Variants in ATRNL1 observed in about 807,000 individuals in gnomAD.
The protein encoded by ATRNL1 is attractin-like protein 1.
Under a neutral mutation model 182.7 loss-of-function variants are expected in ATRNL1, and 95 were observed. The observed-to-expected ratio is 0.52, with a 90% confidence interval of 0.44 to 0.62. The LOEUF (loss-of-function observed/expected upper bound fraction) is 0.62. Ranked by LOEUF, ATRNL1 falls within the 20% of genes least tolerant of loss-of-function variation. The pLI is 0.00. For synonymous variants in ATRNL1, 576 were observed against 568.3 expected (o/e 1.01, Z -0.19); for missense variants, 1,471 against 1,679.5 (o/e 0.88, Z 2.17).
intron 19 of ATRNL1, among the ~76,000 whole-genome samples, chr10:115,383,638 G>T (rs1168212110): frequency 6.6e-6 from 1 of 151,846 alleles, no homozygotes; most frequent in Non-Finnish European, 1.5e-5. Flanking sequence ...GCAAAATTCA[G>T]CATCGAATAT....
rs1261278987 is a variant in ATRNL1, at chr10:115,946,517, CATG to C, written c.*1741_*1743del. ...TTATAGTATATATTCCTCATGTTGG[CATG>C]ATAATTTTGCTATTTTCCATGCATT... On this transcript the variant is annotated 3_prime_UTR_variant, in exon 29 of 29. Coordinates refer to ENST00000355044, the MANE Select transcript of ATRNL1 (RefSeq NM_207303.4). 1.3e-5 allele frequency: 2 copies of C among 152,060 alleles called. No individual in the cohort carries two copies. The highest frequency in any genetic ancestry group is 4.8e-5 in the African/African-American group (2 of 41,400). The allele number at this position is 152,060 out of a possible 1,614,324, so 9.4% of individuals were successfully genotyped here. A position where few individuals can be genotyped will look rare whatever the true frequency, so the allele number is the denominator to read the frequency against.
At chr10:115,802,155 G>A (rs1423175344) in intron 27 of ATRNL1, among the ~76,000 whole-genome samples, 2 of 151,798 alleles carry the variant, frequency 1.3e-5, no homozygotes, top group Non-Finnish European at 2.9e-5. Context: ...AGACTACTAA[G>A]GCCATGTCAA....
chr10:115,872,979 G>T (rs1223201457), intron 28 of ATRNL1, among the ~76,000 whole-genome samples: 1 of 152,220 alleles, frequency 6.6e-6, no homozygotes, highest in Non-Finnish European at 1.5e-5. Context: ...TATTTATTGA[G>T]CATTTAAGAA....
chr10:115,649,708 T>C (rs1372106013), intron 26 of ATRNL1, among the ~76,000 whole-genome samples: 1 of 152,100 alleles, frequency 6.6e-6, no homozygotes, highest in Non-Finnish European at 1.5e-5. Flanking sequence ...AAAAAACCTT[T>C]AAAATAAAGT....
chr10:115,369,271 G>A (rs1377927665), intron 19 of ATRNL1, among the ~76,000 whole-genome samples: 2 of 150,502 alleles, frequency 1.3e-5, no homozygotes, highest in Admixed American at 6.6e-5. Flanking sequence ...TGAGGGGGAT[G>A]GGGTAATTCT....
chr10:115,676,054 T>C (rs1377248068), intron 26 of ATRNL1, among the ~76,000 whole-genome samples: 1 of 152,062 alleles, frequency 6.6e-6, no homozygotes, highest in Non-Finnish European at 1.5e-5. Context: ...GAAAATCTAA[T>C]AGTCGTTTCA....
At position 115,266,906 on chromosome 10, in the gene ATRNL1, G is replaced by T. The variant is rs1186509786; in HGVS notation, c.1882G>T (p.Gly628Cys). 1.2e-6 allele frequency: 2 copies of T among 1,611,996 alleles called. No homozygotes were observed. The highest frequency in any genetic ancestry group is 2.7e-5 in the African/African-American group (2 of 74,806). Reference protein sequence around the residue: ...FRDEELCKNAGPGIKCVWNKN... With the variant: ...FRDEELCKNACPGIKCVWNKN... ...AGATGAAGAACTTTGTAAAAATGCT[G>T]GTCCAGGGATAAAATGTGTTTGGAA... The change falls in exon 12 of 29, where the codon GGT becomes TGT. Residue 628 changes from glycine to cysteine, a missense_variant. Coordinates refer to ENST00000355044, the MANE Select transcript of ATRNL1 (RefSeq NM_207303.4).
intron 19 of ATRNL1, among the ~76,000 whole-genome samples, chr10:115,347,486 A>G (rs1170248404): frequency 2.6e-5 from 4 of 152,106 alleles, no homozygotes; most frequent in Non-Finnish European, 5.9e-5. Context: ...ATTTATTACT[A>G]TTCTTTCATT....
chr10:115,462,069 T>G, intron 22 of ATRNL1, 34 bp downstream of exon 22: 2 of 1,473,994 alleles, frequency 1.4e-6, no homozygotes, highest in Non-Finnish European at 1.9e-6. Flanking sequence ...AAAGTATAAT[T>G]ATTGGACACA....
At chr10:115,597,261 A>C (rs1393258243) in intron 26 of ATRNL1, among the ~76,000 whole-genome samples, 1 of 152,176 alleles carries the variant, frequency 6.6e-6, no homozygotes, top group Non-Finnish European at 1.5e-5. Context: ...TAACACAAAT[A>C]TTCATATGTA....
rs1953840670 is a variant in ATRNL1 at position 115,944,871 on chromosome 10, C to G, written c.*92C>G. 3 of 1,420,460 alleles carry G rather than the reference C, an allele frequency of 2.1e-6. No individual in the cohort carries two copies. Among genetic ancestry groups the G allele is most frequent in the Non-Finnish European group, 2.8e-6 (3 of 1,063,064 alleles). 88.0% of individuals were successfully genotyped at this position (1,420,460 alleles called of 1,614,324 possible). A position where few individuals can be genotyped will look rare whatever the true frequency, so the allele number is the denominator to read the frequency against. Reference sequence around the variant, plus strand: ...GGCCTTGGATTTTATGGAGGCAGATCTCTGTATCATCCAGAGCCTGAGTAC... The same window carrying G: ...GGCCTTGGATTTTATGGAGGCAGATGTCTGTATCATCCAGAGCCTGAGTAC... On this transcript the variant is annotated 3_prime_UTR_variant, in exon 29 of 29. Coordinates refer to ENST00000355044, the MANE Select transcript of ATRNL1 (RefSeq NM_207303.4).
rs551030295 is a variant in ATRNL1 at position 115,125,007 on chromosome 10, G to C, written c.492-2586G>C. 8.5e-5 allele frequency among the ~76,000 whole-genome samples: 13 copies of C among 152,220 alleles called. No homozygotes were observed. The South Asian group carries it at 2.3e-3, about 27-fold the overall frequency. On this transcript the variant is annotated intron_variant, in intron 3 of 28. Coordinates refer to ENST00000355044, the MANE Select transcript of ATRNL1 (RefSeq NM_207303.4). ...ATCGTGAGTAAAAGTATGAAGTATG[G>C]GGGTCAGATAGGACATTCTAGGGAG...
At chr10:115,177,097 G>A (rs536225584) in intron 8 of ATRNL1, among the ~76,000 whole-genome samples, 25 of 152,216 alleles carry the variant, frequency 1.6e-4, no homozygotes, top group African/African-American at 5.1e-4. Context: ...GGAAGAGTAC[G>A]GTGAAGTGTA....
At chr10:115,490,614 C>A (rs571735841) in intron 24 of ATRNL1, among the ~76,000 whole-genome samples, 3 of 152,092 alleles carry the variant, frequency 2.0e-5, no homozygotes, top group African/African-American at 7.2e-5. Context: ...TTCTAGTTAG[C>A]AATTCATCTA....
chr10:115,927,776 C>T (rs1025484300), intron 28 of ATRNL1, among the ~76,000 whole-genome samples: 2 of 151,954 alleles, frequency 1.3e-5, no homozygotes, highest in Admixed American at 6.6e-5. Context: ...TGTTGGGAAT[C>T]GTTTTAGTGC....
chr10:115,903,170 G>A (rs537905614), intron 28 of ATRNL1, among the ~76,000 whole-genome samples: 1 of 152,302 alleles, frequency 6.6e-6, no homozygotes, highest in Non-Finnish European at 1.5e-5. Flanking sequence ...TTTAAAGTGT[G>A]ACTAGCTCTC....
At chr10:115,479,006 G>C (rs545336410) in intron 24 of ATRNL1, among the ~76,000 whole-genome samples, 1 of 151,558 alleles carries the variant, frequency 6.6e-6, no homozygotes, top group East Asian at 1.9e-4. Flanking sequence ...ATGGTATAAA[G>C]ACTTCATGTG....
intron 1 of ATRNL1, among the ~76,000 whole-genome samples, chr10:115,098,525 A>G (rs1441947939): frequency 7.1e-6 from 1 of 140,976 alleles, no homozygotes; most frequent in Non-Finnish European, 1.5e-5. Context: ...GCAGTGGCGC[A>G]ATCTCGGCTC....
intron 27 of ATRNL1, among the ~76,000 whole-genome samples, chr10:115,756,675 G>A (rs1393624516): frequency 2.6e-5 from 4 of 152,104 alleles, no homozygotes; most frequent in African/African-American, 9.7e-5. Context: ...ATGTCTGTTA[G>A]GTCTGCTTGG....
Sources: allele counts gnomAD v4.1 joint callset (sites outside exome capture counted in the v4.1 genomes callset), GRCh38; gene constraint gnomAD v4.1.1; transcripts MANE v1.5; gene names NCBI Gene and HGNC (gene_info 2026-07-23, HGNC 2026-07-21).